Variants in MYH15 observed in about 807,000 individuals in gnomAD.
MYH15 encodes myosin-15.
In MYH15, 227 loss-of-function variants were observed where a neutral mutation model predicts 240.5. That is an observed-to-expected ratio of 0.94 (90% CI 0.85 to 1.05). The LOEUF is 1.05. Among genes scored for constraint, MYH15 ranks in the 50% least tolerant of loss-of-function variants. The probability of loss-of-function intolerance (pLI) is 0.00; values close to 1 mark genes in which losing one functional copy is unlikely to be tolerated. For missense variants in MYH15, 2,217 were observed against 2,247.5 expected, an observed-to-expected ratio of 0.99 and a Z score of 0.27; for synonymous variants, 785 against 796.7, an observed-to-expected ratio of 0.99 and a Z score of 0.25.
In MYH15 at chr3:108,500,243, T is replaced by G; in HGVS notation, c.371A>C (p.Asn124Thr). Residue 124 changes from asparagine to threonine, a missense_variant, in exon 4 of 41, where the codon AAC (asparagine) becomes ACC (threonine). By Grantham distance (65) the Asn-to-Thr change is moderately conservative (BLOSUM62 0). Coordinates refer to ENST00000693548, the MANE Select transcript of MYH15 (RefSeq NM_014981.3). ...ATACACGGGAAGCCATTTGTAAGGGTTTATGGTCACACAGAAGAGACCTGA... is the reference window on the plus strand; with the variant it reads ...ATACACGGGAAGCCATTTGTAAGGGGTTATGGTCACACAGAAGAGACCTGA... ...TYSGLFCVTINPYKWLPVYQK... is the reference protein window; with the variant it reads ...TYSGLFCVTITPYKWLPVYQK... The G allele has an allele frequency of 6.2e-7, 1 of 1,613,910 alleles. No individual in the cohort carries two copies. Among genetic ancestry groups the G allele is most frequent in the Non-Finnish European group, 8.5e-7 (1 of 1,179,874 alleles).
chr3:108,448,476 A>G (rs1018840216), intron 21 of MYH15, among the ~76,000 whole-genome samples: 2 of 152,054 alleles, frequency 1.3e-5, no homozygotes, highest in Non-Finnish European at 2.9e-5. Context: ...TAAAATATAT[A>G]TAAGTCAAAA....
chr3:108,385,872 T>G (rs1244051438), intron 38 of MYH15, among the ~76,000 whole-genome samples: 1 of 151,978 alleles, frequency 6.6e-6, no homozygotes, highest in East Asian at 1.9e-4. Context: ...CTCCTTAGGT[T>G]TAGCCAAGCT....
In MYH15 at chr3:108,454,324, G is replaced by GA. The variant is rs202233730; in HGVS notation, c.2263-183dup. ...GTTTGATTTTATAAATCTAAAATGT[G>GA]AAAAAAAAAACGTTATTAAATCATG... On this transcript the variant is annotated intron_variant, in intron 20 of 40. Transcript: ENST00000693548. Among the ~76,000 whole-genome samples, 801 of 145,752 alleles carry GA rather than the reference G, an allele frequency of 5.5e-3. 3 individuals are homozygous for GA. The highest frequency in any genetic ancestry group is 0.016 in the African/African-American group (630 of 39,800).
Position 108,444,807 on chromosome 3 carries a change from G to C in MYH15, c.2488C>G (p.Pro830Ala), listed in dbSNP as rs775950006. Residue 830 changes from proline (P) to alanine (A), a missense_variant, in exon 22 of 41, where the codon CCT (proline) becomes GCT (alanine). Pro to Ala is a conservative substitution (Grantham distance 27, BLOSUM62 -1). Transcript: ENST00000693548. ...CCTACTTCTGAAGATTTAACAAGAGGCTTGATCTTGAAGAAGAGCCTCATC... is the reference window on the plus strand; with the variant it reads ...CCTACTTCTGAAGATTTAACAAGAGCCTTGATCTTGAAGAAGAGCCTCATC... ...PWMRLFFKIK[P>A]LVKSSEVGEE... 6.2e-7 allele frequency: 1 copy of C among 1,614,004 alleles called. No individual in the cohort carries two copies. Among genetic ancestry groups the C allele is most frequent in the Non-Finnish European group, 8.5e-7 (1 of 1,179,980 alleles).
chr3:108,536,009 T>G, the MYH15 span, among the ~76,000 whole-genome samples: 1 of 152,220 alleles, frequency 6.6e-6, no homozygotes, highest in Non-Finnish European at 1.5e-5. Flanking sequence ...GGCTCATGTC[T>G]GTAATCCCAG....
intron 15 of MYH15, among the ~76,000 whole-genome samples, chr3:108,464,324 G>C (rs375559133): frequency 7.2e-5 from 11 of 152,034 alleles, no homozygotes; most frequent in African/African-American, 2.7e-4. Context: ...TTCACACAAC[G>C]TTAAGTTAAA....
intron 33 of MYH15, among the ~76,000 whole-genome samples, chr3:108,401,576 T>C (rs2082506324): frequency 6.6e-6 from 1 of 152,250 alleles, no homozygotes; most frequent in Admixed American, 6.5e-5. Flanking sequence ...GACACTTATC[T>C]GTCCTACATT....
At chr3:108,423,475 G>A (rs919144763) in intron 27 of MYH15, among the ~76,000 whole-genome samples, 4 of 152,134 alleles carry the variant, frequency 2.6e-5, no homozygotes, top group Admixed American at 2.6e-4. Flanking sequence ...AATGTTAAAT[G>A]CCAGACATGC....
At chr3:108,417,783 A>ATG (rs1335703726) in intron 28 of MYH15, among the ~76,000 whole-genome samples, 10 of 110,526 alleles carry the variant, frequency 9.0e-5, no homozygotes, top group South Asian at 3.6e-4. Context: ...ACGTACAGGT[A>ATG]TGTATATATA....
chr3:108,433,740 CCTT>C (rs1382189763), intron 25 of MYH15, among the ~76,000 whole-genome samples: 1 of 152,180 alleles, frequency 6.6e-6, no homozygotes, highest in Admixed American at 6.5e-5. Flanking sequence ...ACTTCCTCCT[CCTT>C]GTCTTCTGCC....
chr3:108,540,673 G>A, the MYH15 span, among the ~76,000 whole-genome samples: 6 of 151,938 alleles, frequency 3.9e-5, no homozygotes, highest in South Asian at 2.1e-4. Context: ...GTTAAAACAC[G>A]TATATCTTAA....
rs570603062 is a variant in MYH15 at position 108,457,783 on chromosome 3, C to T, written c.2021-900G>A. On this transcript the variant is annotated intron_variant, in intron 18 of 40. Transcript: ENST00000693548. ...GCACAGCGGCTCATGCCTGTAATCACGGCACTTTCAGAGGCTGAGGCGGGC... is the reference window on the plus strand; with the variant it reads ...GCACAGCGGCTCATGCCTGTAATCATGGCACTTTCAGAGGCTGAGGCGGGC... Among the ~76,000 whole-genome samples the T allele has an allele frequency of 1.2e-4, 18 of 152,322 alleles. No homozygotes were observed. In the East Asian group the frequency reaches 1.7e-3, roughly 15 times the overall value.
intron 25 of MYH15, among the ~76,000 whole-genome samples, chr3:108,435,426 A>G (rs952618936): frequency 6.6e-6 from 1 of 152,264 alleles, no homozygotes; most frequent in Admixed American, 6.5e-5. Context: ...ATCATCTTAC[A>G]TAATCAACTT....
At chr3:108,405,309 T>C (rs1180173621) in intron 33 of MYH15, 29 bp downstream of exon 33, 1 of 1,321,414 alleles carries the variant, frequency 7.6e-7, no homozygotes, top group South Asian at 1.6e-5. Flanking sequence ...AAATACATAA[T>C]TGTTACACAT....
intron 28 of MYH15, among the ~76,000 whole-genome samples, chr3:108,419,514 C>T (rs2082663963): frequency 6.6e-6 from 1 of 152,160 alleles, no homozygotes. Flanking sequence ...ACAGCACTTC[C>T]TTTAGGGCCA....
intron 14 of MYH15, among the ~76,000 whole-genome samples, chr3:108,465,337 T>C (rs2083105699): frequency 1.3e-5 from 2 of 152,142 alleles, no homozygotes; most frequent in South Asian, 4.1e-4. Context: ...AAGTCTGAGG[T>C]CCTGCCAGAG....
chr3:108,466,263 G>A (rs750821186), intron 14 of MYH15, among the ~76,000 whole-genome samples: 3 of 152,340 alleles, frequency 2.0e-5, no homozygotes, highest in African/African-American at 7.2e-5. Flanking sequence ...TGCTGATGGA[G>A]AGAATGTGGT....
chr3:108,547,265 T>C, the MYH15 span, among the ~76,000 whole-genome samples: 1 of 152,028 alleles, frequency 6.6e-6, no homozygotes, highest in Non-Finnish European at 1.5e-5. Flanking sequence ...GCTTCCAAAA[T>C]TATGGGACTA....
At chr3:108,490,469 G>T (rs1007260364) in intron 9 of MYH15, among the ~76,000 whole-genome samples, 1 of 152,194 alleles carries the variant, frequency 6.6e-6, no homozygotes, top group Non-Finnish European at 1.5e-5. Context: ...TCAAATCAGC[G>T]TGTAGTTCTC....
Sources: gnomAD v4.1 joint callset for allele counts (sites outside exome capture counted in the v4.1 genomes callset) on GRCh38, gnomAD v4.1.1 for gene constraint, MANE v1.5 for transcripts, NCBI Gene and HGNC (gene_info 2026-07-23, HGNC 2026-07-21) for gene names.